The following PCDH15 variants were observed in gnomAD, a reference collection of about 807,000 sequenced individuals.
PCDH15 encodes protocadherin-15.
Under a neutral mutation model 178.5 loss-of-function variants are expected in PCDH15, and 129 were observed. The ratio of observed to expected loss-of-function variants is 0.72; its 90% confidence interval spans 0.63 to 0.84. PCDH15 has a LOEUF of 0.84. Ranked by LOEUF, PCDH15 falls within the 40% of genes least tolerant of loss-of-function variation. The pLI is 0.00. For synonymous variants in PCDH15, 800 were observed against 732.0 expected (o/e 1.09, Z -1.50); for missense variants, 2,230 against 2,099.9 (o/e 1.06, Z -1.21).
intron 2 of PCDH15, among the ~76,000 whole-genome samples, chr10:55,456,003 C>T (rs11004870): frequency 0.31 from 46,614 of 151,926 alleles, 7,313 homozygotes; most frequent in Middle Eastern, 0.36. Flanking sequence ...AGTATTATAA[C>T]AGTTTCAACC....
chr10:53,970,615 T>C (rs1378474496), intron 21 of PCDH15, among the ~76,000 whole-genome samples: 2 of 152,004 alleles, frequency 1.3e-5, no homozygotes, highest in East Asian at 1.9e-4. Flanking sequence ...ATATTACCAC[T>C]GAGCCCACAG....
chr10:54,260,372 CATT>C (rs1402038751), intron 8 of PCDH15, among the ~76,000 whole-genome samples: 1 of 145,376 alleles, frequency 6.9e-6, no homozygotes, highest in African/African-American at 2.5e-5. Flanking sequence ...AGGGTCACTG[CATT>C]CTTATTAACT....
At chr10:53,954,401 A>T (rs1181921889) in intron 23 of PCDH15, among the ~76,000 whole-genome samples, 1 of 152,216 alleles carries the variant, frequency 6.6e-6, no homozygotes, top group African/African-American at 2.4e-5. Flanking sequence ...AGTGCTTTCA[A>T]TTCTAAAAAA....
chr10:53,994,799 G>C (rs1016809824), intron 21 of PCDH15: 2 of 152,044 alleles, frequency 1.3e-5, no homozygotes. Context: ...GCTGAAAAAT[G>C]TTATGATGGC....
At chr10:54,590,917 G>A (rs1223068631) in intron 2 of PCDH15, among the ~76,000 whole-genome samples, 1 of 151,756 alleles carries the variant, frequency 6.6e-6, no homozygotes, top group African/African-American at 2.4e-5. Flanking sequence ...ATTTGGGAAG[G>A]GGTCTAAAAA....
intron 2 of PCDH15, among the ~76,000 whole-genome samples, chr10:55,161,625 G>A (rs958285879): frequency 1.3e-5 from 2 of 152,092 alleles, no homozygotes; most frequent in African/African-American, 4.8e-5. Context: ...AACAATGTTA[G>A]AAAAACAAAT....
intron 3 of PCDH15, among the ~76,000 whole-genome samples, chr10:54,391,190 T>C (rs1950509602): frequency 6.6e-6 from 1 of 152,194 alleles, no homozygotes; most frequent in Admixed American, 6.5e-5. Context: ...GAGTAATTGC[T>C]GCAGCCACTT....
intron 23 of PCDH15, among the ~76,000 whole-genome samples, chr10:53,949,006 A>T (rs1408181986): frequency 5.3e-5 from 8 of 152,210 alleles, no homozygotes; most frequent in Non-Finnish European, 1.2e-4. Context: ...CACTCTTTGT[A>T]TTGAAAAGTT....
chr10:54,608,023 A>G (rs2092821801), intron 2 of PCDH15: 1 of 449,200 alleles, frequency 2.2e-6, no homozygotes, highest in Non-Finnish European at 4.2e-6. Flanking sequence ...TTGCACACAT[A>G]AGGAATTTTT....
chr10:55,496,525 C>G (rs1346710162), intron 2 of PCDH15, among the ~76,000 whole-genome samples: 6 of 151,734 alleles, frequency 4.0e-5, no homozygotes, highest in African/African-American at 1.5e-4. Flanking sequence ...AGTAACTACA[C>G]TGTAGAAAAT....
At chr10:54,275,703 G>C (rs1294026071) in intron 8 of PCDH15, among the ~76,000 whole-genome samples, 1 of 151,536 alleles carries the variant, frequency 6.6e-6, no homozygotes, top group African/African-American at 2.4e-5. Flanking sequence ...ATTTGAAGAG[G>C]ATAAAAGAGC....
intron 2 of PCDH15, among the ~76,000 whole-genome samples, chr10:55,494,872 T>C (rs916880543): frequency 6.6e-6 from 1 of 151,816 alleles, no homozygotes; most frequent in African/African-American, 2.4e-5. Context: ...ACTGTAAGAC[T>C]TACTACAATG....
chr10:54,547,813 T>G (rs1490364548), intron 2 of PCDH15, among the ~76,000 whole-genome samples: 1 of 152,120 alleles, frequency 6.6e-6, no homozygotes, highest in African/African-American at 2.4e-5. Context: ...ACAAAAGTGC[T>G]GTGTCATGGG....
At chr10:54,400,585 C>T (rs1243583707) in intron 3 of PCDH15, among the ~76,000 whole-genome samples, 1 of 151,938 alleles carries the variant, frequency 6.6e-6, no homozygotes, top group Non-Finnish European at 1.5e-5. Flanking sequence ...TATGAATATG[C>T]ATAAGAAATT....
intron 2 of PCDH15, among the ~76,000 whole-genome samples, chr10:55,607,172 GA>G (rs1385433382): frequency 2.7e-5 from 4 of 150,694 alleles, no homozygotes; most frequent in African/African-American, 9.7e-5. Flanking sequence ...GGCCATCAGA[GA>G]AATGCAAATC....
chr10:54,141,494 T>A (rs1363488005), intron 14 of PCDH15, among the ~76,000 whole-genome samples: 1 of 152,200 alleles, frequency 6.6e-6, no homozygotes, highest in Non-Finnish European at 1.5e-5. Flanking sequence ...ATTCAATCAA[T>A]AATTTCAGTT....
chr10:54,007,428 A>T (rs2135107486), intron 20 of PCDH15, among the ~76,000 whole-genome samples: 1 of 152,252 alleles, frequency 6.6e-6, no homozygotes, highest in African/African-American at 2.4e-5. Context: ...GTTCTTCTAA[A>T]TATTTAGTAT....
chr10:54,726,639 C>A (rs1942577960), intron 1 of PCDH15, among the ~76,000 whole-genome samples: 1 of 151,178 alleles, frequency 6.6e-6, no homozygotes, highest in South Asian at 2.1e-4. Context: ...AAATGCAATC[C>A]AAGTAATCTA....
chr10:55,023,092 C>T (rs931501521), intron 2 of PCDH15, among the ~76,000 whole-genome samples: 1 of 152,130 alleles, frequency 6.6e-6, no homozygotes, highest in Non-Finnish European at 1.5e-5. Flanking sequence ...CAGGCGCCCG[C>T]CACCACGCCC....
Sources: allele counts gnomAD v4.1 joint callset (sites outside exome capture counted in the v4.1 genomes callset), GRCh38; gene constraint gnomAD v4.1.1; transcripts MANE v1.5; gene names NCBI Gene and HGNC (gene_info 2026-07-23, HGNC 2026-07-21).